CNGA3: variants seen among roughly 807,000 people sequenced by gnomAD.
The protein encoded by CNGA3 is cyclic nucleotide gated channel subunit alpha 3.
CNGA3 carries 42 observed loss-of-function variants against 46.6 expected under a neutral mutation model. The ratio of observed to expected loss-of-function variants is 0.90; its 90% CI spans 0.70 to 1.17. The LOEUF is 1.17. Among genes scored for constraint, CNGA3 ranks in the 50% most tolerant of loss-of-function variants. CNGA3 has a pLI of 0.00. For synonymous variants in CNGA3, 394 were observed against 369.4 expected (o/e 1.07, Z -0.76); for missense variants, 893 against 890.7 (o/e 1.00, Z -0.03).
chr2:98,396,784 C>T lies in CNGA3; in HGVS notation c.1614C>T (p.Phe538=), dbSNP rs762984332. Reference sequence around the variant, plus strand: ...TGGCTGATGATGGGGTCACCCAGTTCGTGGTCCTCAGCGATGGCAGCTACT... The same window carrying T: ...TGGCTGATGATGGGGTCACCCAGTTTGTGGTCCTCAGCGATGGCAGCTACT... The part of the protein sequence containing the change: ...AVVADDGVTQ[F]VVLSDGSYFG... Residue 538 remains phenylalanine (F), a synonymous_variant, in exon 8 of 8, where the codon TTC becomes TTT. Coordinates refer to ENST00000272602, the MANE Select transcript of CNGA3 (RefSeq NM_001298.3). 1.4e-5 allele frequency: 23 copies of T among 1,614,178 alleles called. No individual in the cohort carries two copies. Among genetic ancestry groups the T allele is most frequent in the Admixed American group, 3.3e-5 (2 of 60,022 alleles).
At position 98,380,261 on chromosome 2, in the gene CNGA3, G is replaced by A. The variant is rs759775948; in HGVS notation, c.302G>A (p.Arg101His). Residue 101 changes from arginine to histidine, a missense_variant, in exon 4 of 8, where the codon CGT (arginine) becomes CAT (histidine). By Grantham distance (29) the Arg-to-His change is conservative. Transcript: ENST00000272602. ...CAGGGACCGGACTCTTTTCCTGATC[G>A]TTTCCGTGGAGCCGAGCTTAAGGAG... is the stretch of plus-strand genomic sequence containing the variant. Reference protein sequence around the residue: ...QDQGPDSFPDRFRGAELKEVS... With the variant: ...QDQGPDSFPDHFRGAELKEVS... 3.7e-5 allele frequency: 59 copies of A among 1,614,072 alleles called. No individual in the cohort carries two copies. Among genetic ancestry groups the A allele is most frequent in the Non-Finnish European group, 4.5e-5 (53 of 1,180,046 alleles).
At chr2:98,356,622 CTG>C (rs1277247379) in intron 1 of CNGA3, among the ~76,000 whole-genome samples, 1 of 152,184 alleles carries the variant, frequency 6.6e-6, no homozygotes, top group Non-Finnish European at 1.5e-5. Context: ...ATGGACACCT[CTG>C]TGTTGTCTCT....
rs759775948 is a variant in CNGA3, at chr2:98,380,261, G to C, written c.302G>C (p.Arg101Pro). Residue 101 changes from arginine to proline, a missense_variant, in exon 4 of 8, where the codon CGT (arginine) becomes CCT (proline). Arg to Pro is a moderately radical substitution (Grantham distance 103, BLOSUM62 -2). This residue lies in a region of CNGA3 where 333 missense variants were observed against 290.8 expected (regional missense o/e 1.15). Coordinates refer to ENST00000272602, the MANE Select transcript of CNGA3 (RefSeq NM_001298.3). ...CAGGGACCGGACTCTTTTCCTGATC[G>C]TTTCCGTGGAGCCGAGCTTAAGGAG... ...QDQGPDSFPD[R>P]FRGAELKEVS... 1.2e-6 allele frequency: 2 copies of C among 1,614,072 alleles called. No homozygotes were observed. Among genetic ancestry groups the C allele is most frequent in the Non-Finnish European group, 1.7e-6 (2 of 1,180,046 alleles).
At chr2:98,359,443 T>C (rs1111582) in intron 1 of CNGA3, among the ~76,000 whole-genome samples, 68,680 of 152,082 alleles carry the variant, frequency 0.45, 16,105 homozygotes, top group Admixed American at 0.52. Context: ...GCAGGAAGGA[T>C]GCGAGGTAGA....
intron 1 of CNGA3, among the ~76,000 whole-genome samples, chr2:98,349,131 G>A (rs922677083): frequency 2.0e-5 from 3 of 152,116 alleles, no homozygotes; most frequent in African/African-American, 7.2e-5. Context: ...ATTTTTTGGG[G>A]AGTCCTGCAT....
At chr2:98,394,615 G>A (rs913034709) in intron 7 of CNGA3, among the ~76,000 whole-genome samples, 24 of 151,968 alleles carry the variant, frequency 1.6e-4, no homozygotes, top group African/African-American at 4.8e-4. Flanking sequence ...TGTTTCATCC[G>A]CCCTTTTCTT....
chr2:98,370,148 G>A, intron 2 of CNGA3, 72 bp downstream of exon 2: 1 of 1,298,286 alleles, frequency 7.7e-7, no homozygotes, highest in Non-Finnish European at 1.1e-6. Context: ...TCTAGACTGT[G>A]GGGGAAGAAT....
At chr2:98,367,097 C>T (rs1468075536) in intron 1 of CNGA3, among the ~76,000 whole-genome samples, 2 of 151,650 alleles carry the variant, frequency 1.3e-5, no homozygotes, top group Non-Finnish European at 2.9e-5. Context: ...AGAACCTGGA[C>T]ACCTCAGTTG....
chr2:98,361,560 T>C (rs956832029), intron 1 of CNGA3, among the ~76,000 whole-genome samples: 1 of 152,166 alleles, frequency 6.6e-6, no homozygotes, highest in Non-Finnish European at 1.5e-5. Flanking sequence ...ATGGGATTAC[T>C]GGGTCAAATG....
rs1396908411 is a variant in CNGA3, at chr2:98,383,436, G to C, written c.444G>C (p.Glu148Asp). ...ACACTAACACCAGCAACAACACGGAGGAGGAGTAAGTACCCACACACCCAG... is the reference window on the plus strand; with the variant it reads ...ACACTAACACCAGCAACAACACGGACGAGGAGTAAGTACCCACACACCCAG... Reference protein sequence around the residue: ...KCNTNTSNNTEEEKKTKKKDA... With the variant: ...KCNTNTSNNTDEEKKTKKKDA... The change falls in exon 5 of 8, where the codon GAG becomes GAC. Residue 148 changes from glutamate (E) to aspartate (D), a missense_variant. By Grantham distance (45) the Glu-to-Asp change is conservative. This residue lies in a region of CNGA3 where 333 missense variants were observed against 290.8 expected (regional missense o/e 1.15). Coordinates refer to ENST00000272602, the MANE Select transcript of CNGA3 (RefSeq NM_001298.3). The C allele has an allele frequency of 2.5e-6, 4 of 1,614,178 alleles. No homozygotes were observed. The highest frequency in any genetic ancestry group is 3.4e-6 in the Non-Finnish European group (4 of 1,180,036).
At chr2:98,371,316 C>T (rs933587658) in intron 2 of CNGA3, among the ~76,000 whole-genome samples, 1 of 152,206 alleles carries the variant, frequency 6.6e-6, no homozygotes, top group East Asian at 1.9e-4. Context: ...ACTGGGCCCT[C>T]GTGCCTCATT....
chr2:98,381,427 A>G (rs1692535169), intron 4 of CNGA3, among the ~76,000 whole-genome samples: 1 of 152,242 alleles, frequency 6.6e-6, no homozygotes, highest in African/African-American at 2.4e-5. Flanking sequence ...TCAAATGGTC[A>G]TATGAGGGTT....
intron 2 of CNGA3, among the ~76,000 whole-genome samples, chr2:98,376,247 A>G (rs1453696590): frequency 6.6e-6 from 1 of 152,184 alleles, no homozygotes; most frequent in East Asian, 1.9e-4. Flanking sequence ...ACAAAGCAAT[A>G]AAGTCTTCCC....
rs773617593 is a variant in CNGA3, at chr2:98,383,420, CCAG to C, written c.431_433del (p.Ser144del). The C allele has an allele frequency of 1.9e-5, 30 of 1,614,100 alleles. No homozygotes were observed. Among genetic ancestry groups the C allele is most frequent in the Non-Finnish European group, 2.5e-5 (30 of 1,180,050 alleles). ...CCCCTGGCCAAATGCAACACTAACA[CCAG>C]CAACAACACGGAGGAGGAGTAAGTA... On this transcript the variant is annotated inframe_deletion, in exon 5 of 8. Transcript: ENST00000272602.
chr2:98,353,249 G>A (rs1691807859), intron 1 of CNGA3, among the ~76,000 whole-genome samples: 2 of 150,618 alleles, frequency 1.3e-5, no homozygotes, highest in African/African-American at 4.9e-5. Flanking sequence ...TATCCTATTG[G>A]TTCTGTTTCC....
intron 1 of CNGA3, among the ~76,000 whole-genome samples, chr2:98,368,502 T>C (rs372022370): frequency 1.2e-4 from 18 of 152,182 alleles, no homozygotes; most frequent in African/African-American, 3.6e-4. Context: ...TGCTCTCACA[T>C]AGGCTTTCTT....
rs890431401 is a variant in CNGA3, at chr2:98,367,190, T to C, written c.-37-2749T>C. Among the ~76,000 whole-genome samples, 5 of 143,486 alleles carry C rather than the reference T, an allele frequency of 3.5e-5. No individual in the cohort carries two copies. The Middle Eastern group carries it at 0.01, about 301-fold the overall frequency. 94.1% of individuals were successfully genotyped at this position (143,486 alleles called of 152,430 possible). On this transcript the variant is annotated intron_variant, in intron 1 of 7. Coordinates refer to ENST00000272602, the MANE Select transcript of CNGA3 (RefSeq NM_001298.3). The stretch of plus-strand genomic sequence containing the variant: ...CTGTTTTTTTTCTTTTTTTTCTTTT[T>C]TTTTTTTTTTTATTGAGACAGAGTC...
chr2:98,384,362 T>C lies in CNGA3; in HGVS notation c.449+921T>C, dbSNP rs568002025. Among the ~76,000 whole-genome samples the C allele has an allele frequency of 1.5e-4, 23 of 152,298 alleles. No individual in the cohort carries two copies. The East Asian group carries it at 4.2e-3, about 28-fold the overall frequency. On this transcript the variant is annotated intron_variant, in intron 5 of 7. Coordinates refer to ENST00000272602, the MANE Select transcript of CNGA3 (RefSeq NM_001298.3). ...GCAGATTAGGGACAGCGTGGCACTA[T>C]TCAGGAGGGGAAGTCTTAGTTGGAG... is the stretch of plus-strand genomic sequence containing the variant.
At chr2:98,347,739 T>C (rs936365267) in intron 1 of CNGA3, among the ~76,000 whole-genome samples, 1 of 152,110 alleles carries the variant, frequency 6.6e-6, no homozygotes, top group African/African-American at 2.4e-5. Context: ...CCATCACATC[T>C]TCCAAAGGGG....
Sources: gnomAD v4.1 joint callset for allele counts (sites outside exome capture counted in the v4.1 genomes callset) on GRCh38, gnomAD v4.1.1 for gene constraint, gnomAD v4.1.1 regional missense constraint, MANE v1.5 for transcripts, NCBI Gene and HGNC (gene_info 2026-07-23, HGNC 2026-07-21) for gene names.